Variants in DMRT1 observed in about 807,000 individuals in gnomAD.
The protein encoded by DMRT1 is doublesex and mab-3 related transcription factor 1, also known as doublesex- and mab-3-related transcription factor 1.
A neutral mutation model predicts 32.3 loss-of-function variants in DMRT1; 7 were observed. The observed-to-expected ratio is 0.22, with a 90% CI of 0.12 to 0.41. The LOEUF (loss-of-function observed/expected upper bound fraction) is 0.41, where lower values mean the gene tolerates loss of function less well. DMRT1 is among the 10% of genes least tolerant of loss of function. The probability of loss-of-function intolerance (pLI) is 1.00; values close to 1 mark genes in which losing one functional copy is unlikely to be tolerated. For missense variants in DMRT1, 625 were observed against 500.5 expected (o/e 1.25, Z -2.37); for synonymous variants, 278 against 206.1 (o/e 1.35, Z -2.99).
At chr9:927,702 G>T (rs774129235) in intron 4 of DMRT1, among the ~76,000 whole-genome samples, 13 of 152,204 alleles carry the variant, frequency 8.5e-5, no homozygotes, top group Admixed American at 8.5e-4. Context: ...GCGCTTCCTG[G>T]TGTAAAGAAT....
chr9:862,254 C>G (rs62529793), intron 2 of DMRT1, among the ~76,000 whole-genome samples: 46,734 of 151,756 alleles, frequency 0.31, 7,264 homozygotes, highest in Middle Eastern at 0.37. Context: ...ACTCCCGGCA[C>G]CTCGGGAGGC....
intron 2 of DMRT1, among the ~76,000 whole-genome samples, chr9:881,746 C>A (rs537625624): frequency 6.6e-6 from 1 of 152,228 alleles, no homozygotes; most frequent in Admixed American, 6.5e-5. Flanking sequence ...CTCTGTAAGA[C>A]GGCTTTTAGA....
intron 4 of DMRT1, among the ~76,000 whole-genome samples, chr9:931,912 C>T (rs1170512753): frequency 1.3e-5 from 2 of 152,100 alleles, no homozygotes; most frequent in Non-Finnish European, 2.9e-5. Flanking sequence ...TTTGGTGGGT[C>T]GGTGTGTGTA....
rs1586665025 is a variant in DMRT1, at chr9:958,036, AC to A, written c.968-9948del. ...AAAAAAGAAGAAAAAGATGAAAAAT[AC>A]TAATAATTTATGAATCTTAAATTTT... On this transcript the variant is annotated intron_variant, in intron 4 of 4. Transcript: ENST00000382276. Among the ~76,000 whole-genome samples, 4 of 152,280 alleles carry A rather than the reference AC, an allele frequency of 2.6e-5. No individual in the cohort carries two copies. In the South Asian group the frequency reaches 8.3e-4, roughly 32 times the overall value.
chr9:896,846 C>G (rs115055124), intron 3 of DMRT1, among the ~76,000 whole-genome samples: 3,004 of 152,058 alleles, frequency 0.02, 104 homozygotes, highest in African/African-American at 0.07. Flanking sequence ...TCTAAGCCCA[C>G]TTCAAGAAAA....
chr9:909,445 G>T (rs991669103), intron 3 of DMRT1, among the ~76,000 whole-genome samples: 3 of 152,124 alleles, frequency 2.0e-5, no homozygotes, highest in Non-Finnish European at 2.9e-5. Context: ...ACAGTTCACG[G>T]TGTGTGCTTA....
chr9:942,414 C>A (rs1819105782), intron 4 of DMRT1, among the ~76,000 whole-genome samples: 1 of 152,132 alleles, frequency 6.6e-6, no homozygotes, highest in Non-Finnish European at 1.5e-5. Context: ...GCTGGGACTA[C>A]AGGCGCGTGC....
chr9:913,305 T>G (rs1294934446), intron 3 of DMRT1, among the ~76,000 whole-genome samples: 1 of 151,718 alleles, frequency 6.6e-6, no homozygotes, highest in South Asian at 2.1e-4. Flanking sequence ...GGCTCCATTA[T>G]TTATATTACG....
intron 1 of DMRT1, among the ~76,000 whole-genome samples, chr9:843,714 T>A (rs1280393810): frequency 6.6e-6 from 1 of 152,228 alleles, no homozygotes; most frequent in Non-Finnish European, 1.5e-5. Flanking sequence ...AACGAAGAAA[T>A]GTTTGCTAAC....
chr9:850,744 G>T (rs1212105721), intron 2 of DMRT1, among the ~76,000 whole-genome samples: 3 of 152,180 alleles, frequency 2.0e-5, no homozygotes, highest in African/African-American at 7.2e-5. Flanking sequence ...TAGATGTGAG[G>T]CCAGCCAGGC....
chr9:943,747 C>G (rs775059264), intron 4 of DMRT1, among the ~76,000 whole-genome samples: 6 of 152,096 alleles, frequency 3.9e-5, no homozygotes, highest in Non-Finnish European at 5.9e-5. Context: ...TTACAATTTA[C>G]TGATGAAGGA....
intron 4 of DMRT1, among the ~76,000 whole-genome samples, chr9:960,000 T>C (rs920238326): frequency 1.3e-5 from 2 of 152,250 alleles, no homozygotes; most frequent in African/African-American, 4.8e-5. Context: ...GGACAATGGA[T>C]GGTAGACATT....
At chr9:943,761 C>T (rs1435337194) in intron 4 of DMRT1, among the ~76,000 whole-genome samples, 1 of 152,290 alleles carries the variant, frequency 6.6e-6, no homozygotes, top group East Asian at 1.9e-4. Context: ...TGAAGGACCC[C>T]ATTCTCAAGA....
At chr9:892,769 C>T (rs978834981) in intron 2 of DMRT1, among the ~76,000 whole-genome samples, 1 of 152,160 alleles carries the variant, frequency 6.6e-6, no homozygotes, top group Admixed American at 6.5e-5. Flanking sequence ...TGGACTGAGG[C>T]CCGCCTCACC....
At chr9:845,370 G>A (rs1487233360) in intron 1 of DMRT1, among the ~76,000 whole-genome samples, 2 of 151,596 alleles carry the variant, frequency 1.3e-5, no homozygotes, top group Non-Finnish European at 2.9e-5. Context: ...ACCATGCCTG[G>A]CTAGTTTTTG....
intron 3 of DMRT1, among the ~76,000 whole-genome samples, chr9:908,374 C>T (rs1224552859): frequency 6.6e-6 from 1 of 152,170 alleles, no homozygotes; most frequent in Non-Finnish European, 1.5e-5. Flanking sequence ...GAGAGGATCA[C>T]TTGAGCCCAC....
At chr9:957,920 G>C (rs1313400635) in intron 4 of DMRT1, among the ~76,000 whole-genome samples, 4 of 152,200 alleles carry the variant, frequency 2.6e-5, no homozygotes, top group East Asian at 1.9e-4. Flanking sequence ...TGAGGCATGA[G>C]AATCACCTGA....
chr9:954,774 TGGGATTACA>T (rs1819542242), intron 4 of DMRT1, among the ~76,000 whole-genome samples: 1 of 152,072 alleles, frequency 6.6e-6, no homozygotes, highest in African/African-American at 2.4e-5. Context: ...CCCTAGTAGC[TGGGATTACA>T]GGTGCGTGCC....
At chr9:853,058 G>A (rs1437284191) in intron 2 of DMRT1, among the ~76,000 whole-genome samples, 1 of 152,182 alleles carries the variant, frequency 6.6e-6, no homozygotes. Context: ...ATTCACAACG[G>A]AAGATAGTTG....
Sources: gnomAD v4.1 joint callset for allele counts (sites outside exome capture counted in the v4.1 genomes callset) on GRCh38, gnomAD v4.1.1 for gene constraint, MANE v1.5 for transcripts, NCBI Gene and HGNC (gene_info 2026-07-23, HGNC 2026-07-21) for gene names.